The following NRXN3 variants were observed in gnomAD, a reference collection of about 807,000 sequenced individuals.
NRXN3 encodes the protein neurexin 3, also known as neurexin III.
Under a neutral mutation model 137.6 loss-of-function variants are expected in NRXN3, and 32 were observed. The observed-to-expected ratio is 0.23, with a 90% CI of 0.18 to 0.31. The LOEUF (loss-of-function observed/expected upper bound fraction) is 0.31. Ranked by LOEUF, NRXN3 falls within the 10% of genes least tolerant of loss-of-function variation. The pLI, the probability that NRXN3 is intolerant of heterozygous loss-of-function variation, is 1.00. For missense variants in NRXN3, 1,574 were observed against 2,062.5 expected (o/e 0.76, Z 4.59); for synonymous variants, 798 against 784.5 (o/e 1.02, Z -0.29).
chr14:79,141,712 C>A (rs1309713541), intron 15 of NRXN3, among the ~76,000 whole-genome samples: 1 of 152,208 alleles, frequency 6.6e-6, no homozygotes, highest in African/African-American at 2.4e-5. Flanking sequence ...GGAGATACCA[C>A]TTCTGTCTTG....
intron 16 of NRXN3, among the ~76,000 whole-genome samples, chr14:79,579,202 T>C (rs1258318711): frequency 6.6e-6 from 1 of 151,650 alleles, no homozygotes; most frequent in Non-Finnish European, 1.5e-5. Flanking sequence ...AATTCTAAGT[T>C]AGAAATTCTA....
intron 11 of NRXN3, among the ~76,000 whole-genome samples, chr14:78,963,096 A>C (rs2099411330): frequency 6.6e-6 from 1 of 151,932 alleles, no homozygotes; most frequent in South Asian, 2.1e-4. Context: ...TAAGCTCCTA[A>C]ATCCACTATT....
chr14:79,441,366 CTTTTTTTTTTT>C (rs869170695), intron 15 of NRXN3, among the ~76,000 whole-genome samples: 102 of 67,250 alleles, frequency 1.5e-3, no homozygotes, highest in South Asian at 8.4e-3. Context: ...AACAGAAAAT[CTTTTTTTTTTT>C]TTTTTTTTTT....
Position 79,800,712 on chromosome 14 carries a change from A to G in NRXN3, c.4015-4400A>G, listed in dbSNP as rs76666981. ...AGTGTGCCTTTTCTTTCAAGGTTCA[A>G]CATCAGATCCTGCATTTGCTTACAT... On this transcript the variant is annotated intron_variant, in intron 19 of 20. Coordinates refer to ENST00000335750, the MANE Select transcript of NRXN3 (RefSeq NM_001330195.2). Among the ~76,000 whole-genome samples the G allele has an allele frequency of 2.8e-3, 423 of 152,336 alleles. 1 individual carries two copies. Among genetic ancestry groups the G allele is most frequent in the African/African-American group, 1.0e-2 (415 of 41,564 alleles).
chr14:79,229,107 C>T (rs2071636124), intron 15 of NRXN3, among the ~76,000 whole-genome samples: 1 of 152,122 alleles, frequency 6.6e-6, no homozygotes, highest in Non-Finnish European at 1.5e-5. Context: ...AAATTTCCAT[C>T]ATAGTCTTTT....
In NRXN3 at chr14:79,805,168, T is replaced by C. The variant is rs2099199161; in HGVS notation, c.4071T>C (p.Phe1357=). 1 of 1,613,690 alleles carries C rather than the reference T, an allele frequency of 6.2e-7. No homozygotes were observed. Among genetic ancestry groups the C allele is most frequent in the Non-Finnish European group, 8.5e-7 (1 of 1,179,784 alleles). ...AATGTTCAAGTGATGATGAAGACTT[T>C]GTTGAATGTGAGCCGAGTACAGGTA... ...SAECSSDDED[F]VECEPSTDKS... Residue 1357 remains phenylalanine, a synonymous_variant, in exon 20 of 21, where the codon TTT becomes TTC. Transcript: ENST00000335750.
At chr14:78,810,496 G>T (rs1474583255) in intron 10 of NRXN3, 152 bp downstream of exon 10, 3 of 168,590 alleles carry the variant, frequency 1.8e-5, no homozygotes, top group Non-Finnish European at 3.5e-5. Context: ...AAGATGGGGG[G>T]CTGGGTGAGG....
intron 15 of NRXN3, among the ~76,000 whole-genome samples, chr14:79,008,138 AT>A (rs1326217534): frequency 6.6e-6 from 1 of 152,180 alleles, no homozygotes; most frequent in East Asian, 1.9e-4. Flanking sequence ...GATAAAAGCT[AT>A]CTCCATTTGA....
intron 8 of NRXN3, among the ~76,000 whole-genome samples, chr14:78,787,586 T>C (rs887033923): frequency 1.3e-5 from 2 of 152,222 alleles, no homozygotes; most frequent in African/African-American, 2.4e-5. Context: ...ATTCAAATTT[T>C]ACTAACCAGT....
intron 15 of NRXN3, among the ~76,000 whole-genome samples, chr14:79,438,433 G>A (rs1011093123): frequency 3.3e-5 from 5 of 152,118 alleles, no homozygotes; most frequent in African/African-American, 9.7e-5. Flanking sequence ...TAATAAGGGC[G>A]GCTTCCAAAG....
intron 15 of NRXN3, among the ~76,000 whole-genome samples, chr14:79,196,082 A>C (rs1190176476): frequency 6.6e-6 from 1 of 152,168 alleles, no homozygotes; most frequent in Non-Finnish European, 1.5e-5. Context: ...GAGGGAGCAC[A>C]CTAGTCAGGG....
intron 15 of NRXN3, among the ~76,000 whole-genome samples, chr14:79,431,922 A>C (rs1452095306): frequency 6.6e-6 from 1 of 152,138 alleles, no homozygotes; most frequent in Admixed American, 6.6e-5. Context: ...ATTATCCTTT[A>C]CATGACAGTA....
At chr14:79,486,962 C>CTCTCCCCCA (rs2096662889) in intron 16 of NRXN3, among the ~76,000 whole-genome samples, 1 of 124,054 alleles carries the variant, frequency 8.1e-6, no homozygotes, top group African/African-American at 3.6e-5. Flanking sequence ...TCTCTCTCTC[C>CTCTCCCCCA]CACACACACA....
At position 78,176,087 on chromosome 14, in the gene NRXN3, G is replaced by A. The variant is rs116081644; in HGVS notation, c.-704+5413G>A. 9.0e-3 allele frequency among the ~76,000 whole-genome samples: 1,375 copies of A among 152,216 alleles called. 14 individuals carry two copies. Among genetic ancestry groups the A allele is most frequent in the African/African-American group, 0.032 (1,317 of 41,518 alleles). The stretch of plus-strand genomic sequence containing the variant: ...AAAGAACCACATGGGTTTAGTGTTG[G>A]AGTTTTCTTCTCTAGCACTTGTGGC... On this transcript the variant is annotated intron_variant, in intron 1 of 20. Coordinates refer to ENST00000335750, the MANE Select transcript of NRXN3 (RefSeq NM_001330195.2).
chr14:79,688,698 T>C (rs1282460041), intron 17 of NRXN3, among the ~76,000 whole-genome samples: 2 of 152,094 alleles, frequency 1.3e-5, no homozygotes, highest in Non-Finnish European at 2.9e-5. Context: ...TATGAACCAG[T>C]TGGGCTTCAA....
chr14:79,820,983 A>C (rs946517732), intron 20 of NRXN3, among the ~76,000 whole-genome samples: 2 of 152,106 alleles, frequency 1.3e-5, no homozygotes, highest in African/African-American at 4.8e-5. Flanking sequence ...TGGAGATGTA[A>C]GGTTCTGAAC....
intron 4 of NRXN3, among the ~76,000 whole-genome samples, chr14:78,579,013 A>G (rs2096964990): frequency 2.0e-5 from 3 of 152,024 alleles, no homozygotes; most frequent in African/African-American, 7.2e-5. Context: ...GAGAACTGTC[A>G]ACCTATTATA....
intron 8 of NRXN3, among the ~76,000 whole-genome samples, chr14:78,715,968 T>G (rs927974146): frequency 2.6e-5 from 4 of 152,090 alleles, no homozygotes; most frequent in Admixed American, 2.6e-4. Flanking sequence ...ACCCTGACAG[T>G]TGAGGACCTG....
At chr14:79,560,504 C>CTTTTCTGTTTTTTTTTTTTT (rs536703528) in intron 16 of NRXN3, among the ~76,000 whole-genome samples, 1 of 43,770 alleles carries the variant, frequency 2.3e-5, no homozygotes, top group Non-Finnish European at 4.0e-5. Flanking sequence ...AGATTGTAAG[C>CTTTTCTGTTTTTTTTTTTTT]TTTTTTTTTT....
Sources: gnomAD v4.1 joint callset for allele counts (sites outside exome capture counted in the v4.1 genomes callset) on GRCh38, gnomAD v4.1.1 for gene constraint, MANE v1.5 for transcripts, NCBI Gene and HGNC (gene_info 2026-07-23, HGNC 2026-07-21) for gene names.